Variants in ARIH1 observed in about 807,000 individuals in gnomAD.
ARIH1 encodes the protein ariadne RBR E3 ubiquitin protein ligase 1.
A neutral mutation model predicts 85.0 loss-of-function variants in ARIH1; 8 were observed. The ratio of observed to expected loss-of-function variants is 0.09; its 90% CI spans 0.06 to 0.17. ARIH1 has a LOEUF of 0.17. Ranked by LOEUF, ARIH1 falls within the 10% of genes least tolerant of loss-of-function variation. ARIH1 has a pLI of 1.00. For missense variants in ARIH1, 311 were observed against 718.1 expected, an observed-to-expected ratio of 0.43 and a Z score of 6.48; for synonymous variants, 238 against 253.6, an observed-to-expected ratio of 0.94 and a Z score of 0.59.
chr15:72,519,475 G>GTGTGTTTTTTTT (rs2063989343), intron 2 of ARIH1, among the ~76,000 whole-genome samples: 1 of 62,544 alleles, frequency 1.6e-5, no homozygotes, highest in African/African-American at 6.5e-5. Context: ...TGTTTTTTTT[G>GTGTGTTTTTTTT]TTTTTTTTTT....
At chr15:72,567,206 T>C in intron 9 of ARIH1, 29 bp downstream of exon 9, 1 of 1,575,636 alleles carries the variant, frequency 6.3e-7, no homozygotes. Flanking sequence ...TAACTCTTGG[T>C]AATAAAAATG....
intron 1 of ARIH1, among the ~76,000 whole-genome samples, chr15:72,503,259 G>A (rs2140402682): frequency 6.6e-6 from 1 of 152,298 alleles, no homozygotes; most frequent in African/African-American, 2.4e-5. Flanking sequence ...GCCAACAGTA[G>A]CAGAAATGCA....
intron 3 of ARIH1, among the ~76,000 whole-genome samples, chr15:72,548,334 G>A (rs769536815): frequency 6.6e-5 from 10 of 152,142 alleles, no homozygotes; most frequent in Non-Finnish European, 1.3e-4. Flanking sequence ...AGAACTGGGG[G>A]ATGGTAAATA....
At chr15:72,552,410 C>T (rs553267869) in intron 3 of ARIH1, among the ~76,000 whole-genome samples, 43 of 151,924 alleles carry the variant, frequency 2.8e-4, no homozygotes, top group Non-Finnish European at 4.3e-4. Context: ...GCCTCAGTCT[C>T]CTGAGTAGCT....
At chr15:72,524,080 G>C (rs796989683) in intron 2 of ARIH1, among the ~76,000 whole-genome samples, 6 of 151,394 alleles carry the variant, frequency 4.0e-5, no homozygotes, top group African/African-American at 1.5e-4. Flanking sequence ...CTGAGTAGCT[G>C]GGACTACAGG....
intron 3 of ARIH1, among the ~76,000 whole-genome samples, chr15:72,549,280 G>A (rs1023591006): frequency 6.6e-6 from 1 of 151,942 alleles, no homozygotes; most frequent in Non-Finnish European, 1.5e-5. Context: ...TAGACATGGG[G>A]TTCCACCATG....
chr15:72,563,343 G>A (rs770117595), intron 6 of ARIH1, 51 bp from the exon 7 acceptor site: 1 of 1,514,068 alleles, frequency 6.6e-7, no homozygotes, highest in Non-Finnish European at 9.2e-7. Flanking sequence ...ATAGGTGTGA[G>A]CCACTGTGCC....
rs1184910970 is a variant in ARIH1, at chr15:72,589,217, C to G, written c.*5925C>G. On this transcript the variant is annotated 3_prime_UTR_variant, in exon 14 of 14. Transcript: ENST00000379887. ...AAGACACTCATATACTACTAACTTA[C>G]TCAAAAGTTACACATTGAGTGTATA... The G allele has an allele frequency of 6.6e-6, 1 of 152,160 alleles. No homozygotes were observed. The highest frequency in any genetic ancestry group is 2.4e-5 in the African/African-American group (1 of 41,434). 9.4% of individuals were successfully genotyped at this position (152,160 alleles called of 1,614,324 possible).
chr15:72,501,008 C>A (rs1486525163), intron 1 of ARIH1, among the ~76,000 whole-genome samples: 1 of 152,156 alleles, frequency 6.6e-6, no homozygotes, highest in Non-Finnish European at 1.5e-5. Flanking sequence ...TGTTCTTAGA[C>A]CAAATATACA....
At chr15:72,540,107 A>C (rs1171502213) in intron 2 of ARIH1, among the ~76,000 whole-genome samples, 1 of 151,856 alleles carries the variant, frequency 6.6e-6, no homozygotes, top group African/African-American at 2.4e-5. Context: ...AAAATACAAA[A>C]ATTAGCTGGG....
At chr15:72,512,070 T>C (rs1405221802) in intron 1 of ARIH1, among the ~76,000 whole-genome samples, 1 of 152,212 alleles carries the variant, frequency 6.6e-6, no homozygotes, top group East Asian at 1.9e-4. Context: ...TTGTATTTCC[T>C]AATATTTCAT....
At chr15:72,570,472 A>C (rs2064238535) in intron 10 of ARIH1, among the ~76,000 whole-genome samples, 165 bp downstream of exon 10, 1 of 152,252 alleles carries the variant, frequency 6.6e-6, no homozygotes, top group Admixed American at 6.5e-5. Context: ...GGGATTAGTT[A>C]GATATATTTC....
chr15:72,492,958 T>C (rs894588677), intron 1 of ARIH1, among the ~76,000 whole-genome samples: 1 of 152,186 alleles, frequency 6.6e-6, no homozygotes, highest in Non-Finnish European at 1.5e-5. Flanking sequence ...TTTTGATTCA[T>C]GTAGAGTCAA....
At position 72,585,353 on chromosome 15, in the gene ARIH1, A is replaced by G. The variant is rs2064311521; in HGVS notation, c.*2061A>G. The G allele has an allele frequency of 6.6e-6, 1 of 152,022 alleles. No individual in the cohort carries two copies. Among genetic ancestry groups the G allele is most frequent in the African/African-American group, 2.4e-5 (1 of 41,380 alleles). 9.4% of individuals were successfully genotyped at this position (152,022 alleles called of 1,614,324 possible). ...CCTCTTCCCCCATTATCCATATGAC[A>G]TTATTTTACTTCAAATGACAGCATC... is the stretch of plus-strand genomic sequence containing the variant. On this transcript the variant is annotated 3_prime_UTR_variant, in exon 14 of 14. Coordinates refer to ENST00000379887, the MANE Select transcript of ARIH1 (RefSeq NM_005744.5).
At chr15:72,528,228 G>C (rs2064038944) in intron 2 of ARIH1, among the ~76,000 whole-genome samples, 1 of 152,088 alleles carries the variant, frequency 6.6e-6, no homozygotes, top group African/African-American at 2.4e-5. Context: ...AAATACAGGT[G>C]GTTGAAAACT....
intron 5 of ARIH1, among the ~76,000 whole-genome samples, chr15:72,556,961 C>T (rs1322142133): frequency 6.6e-6 from 1 of 152,086 alleles, no homozygotes; most frequent in African/African-American, 2.4e-5. Flanking sequence ...TTATCCAGTC[C>T]ACTGTTGATG....
At chr15:72,512,261 A>G (rs557327898) in intron 1 of ARIH1, among the ~76,000 whole-genome samples, 2 of 151,682 alleles carry the variant, frequency 1.3e-5, no homozygotes, top group Non-Finnish European at 1.5e-5. Flanking sequence ...CAGTGACACC[A>G]TTTTTGGTCC....
Position 72,570,170 on chromosome 15 carries a change from T to C in ARIH1, c.1027-7T>C. 1 of 1,613,824 alleles carries C rather than the reference T, an allele frequency of 6.2e-7. No homozygotes were observed. Among genetic ancestry groups the C allele is most frequent in the Non-Finnish European group, 8.5e-7 (1 of 1,179,806 alleles). On this transcript the variant is annotated splice_polypyrimidine_tract_variant and splice_region_variant and intron_variant, in intron 9 of 13. Transcript: ENST00000379887. ...ATTGACACCAACTTTATAGTTTCTCTTCATAGGAATGTCCCAAATGCCATG... is the reference window on the plus strand; with the variant it reads ...ATTGACACCAACTTTATAGTTTCTCCTCATAGGAATGTCCCAAATGCCATG...
At chr15:72,506,735 G>T (rs1174537258) in intron 1 of ARIH1, among the ~76,000 whole-genome samples, 1 of 152,120 alleles carries the variant, frequency 6.6e-6, no homozygotes, top group Admixed American at 6.5e-5. Context: ...GTTTAAGGTG[G>T]TGCCTCTAAC....
Sources: gnomAD v4.1 joint callset for allele counts (sites outside exome capture counted in the v4.1 genomes callset) on GRCh38, gnomAD v4.1.1 for gene constraint, MANE v1.5 for transcripts, NCBI Gene and HGNC (gene_info 2026-07-23, HGNC 2026-07-21) for gene names.